GALNT12: variants seen among roughly 807,000 people sequenced by gnomAD.
GALNT12 encodes the protein UDP-GalNAc:polypeptide N-acetylgalactosaminyltransferase 12.
A neutral mutation model predicts 55.5 loss-of-function variants in GALNT12; 45 were observed. The observed-to-expected ratio is 0.81, with a 90% CI of 0.64 to 1.04. The LOEUF (loss-of-function observed/expected upper bound fraction) is 1.04. GALNT12 is among the 50% of genes least tolerant of loss of function. The pLI is 0.00. For missense variants in GALNT12, 709 were observed against 754.8 expected, an observed-to-expected ratio of 0.94 and a Z score of 0.71; for synonymous variants, 304 against 312.2, an observed-to-expected ratio of 0.97 and a Z score of 0.28.
chr9:98,817,453 G>T (rs1381080840), intron 1 of GALNT12, among the ~76,000 whole-genome samples: 3 of 151,816 alleles, frequency 2.0e-5, no homozygotes, highest in African/African-American at 7.3e-5. Context: ...GTTTCTTTTT[G>T]TTTTTTTGTT....
At chr9:98,818,456 C>A (rs2118324161) in intron 1 of GALNT12, among the ~76,000 whole-genome samples, 1 of 152,206 alleles carries the variant, frequency 6.6e-6, no homozygotes, top group South Asian at 2.1e-4. Context: ...AACTCCTGAC[C>A]TCAGGTCATC....
intron 2 of GALNT12, among the ~76,000 whole-genome samples, chr9:98,826,376 T>C (rs1377768332): frequency 1.3e-5 from 2 of 152,214 alleles, no homozygotes; most frequent in Non-Finnish European, 2.9e-5. Flanking sequence ...AAATTGCGAT[T>C]AGATGGTTCA....
Position 98,849,849 on chromosome 9 carries a change from T to C in GALNT12, c.*757T>C. 1 of 335,948 alleles carries C rather than the reference T, an allele frequency of 3.0e-6. No homozygotes were observed. Among genetic ancestry groups the C allele is most frequent in the Non-Finnish European group, 5.3e-6 (1 of 188,340 alleles). The allele number at this position is 335,948 out of a possible 1,614,324, so 20.8% of individuals were successfully genotyped here. Reference sequence around the variant, plus strand: ...AACATGTTTATATCATTTTTAATTTTTATGATACGGTAGTGTCAGGGAGAA... The same window carrying C: ...AACATGTTTATATCATTTTTAATTTCTATGATACGGTAGTGTCAGGGAGAA... On this transcript the variant is annotated 3_prime_UTR_variant, in exon 10 of 10. Coordinates refer to ENST00000375011, the MANE Select transcript of GALNT12 (RefSeq NM_024642.5).
intron 5 of GALNT12, among the ~76,000 whole-genome samples, chr9:98,836,377 G>C (rs1463352174): frequency 3.9e-5 from 6 of 152,112 alleles, no homozygotes; most frequent in Non-Finnish European, 8.8e-5. Flanking sequence ...TTCTACCGAG[G>C]ACTCACGCCC....
At position 98,821,624 on chromosome 9, in the gene GALNT12, C is replaced by CAAAAAAAAAAAAAAAAAAAAAAAA. The variant is rs11467276; in HGVS notation, c.372-1619_372-1618insAAAAAAAAAAAAAAAAAAAAAAAA. ...TGGGCAACAGAGCGAGACTCCATCT[C>CAAAAAAAAAAAAAAAAAAAAAAAA]AAAAAAAAAAAAAGAAAGAAATTTC... On this transcript the variant is annotated intron_variant, in intron 1 of 9. Transcript: ENST00000375011. Among the ~76,000 whole-genome samples the CAAAAAAAAAAAAAAAAAAAAAAAA allele has an allele frequency of 1.8e-4, 20 of 112,038 alleles. 1 individual carries two copies. The highest frequency in any genetic ancestry group is 6.1e-4 in the East Asian group (2 of 3,270). The allele number at this position is 112,038 out of a possible 152,430, so 73.5% of individuals were successfully genotyped here. A position where few individuals can be genotyped will look rare whatever the true frequency, so the allele number is the denominator to read the frequency against.
chr9:98,834,546 C>A (rs1002566395), intron 4 of GALNT12, among the ~76,000 whole-genome samples: 3 of 152,226 alleles, frequency 2.0e-5, no homozygotes, highest in African/African-American at 7.2e-5. Flanking sequence ...CCAGATAAAC[C>A]TGGTGGTGGG....
chr9:98,811,518 C>G (rs948027478), intron 1 of GALNT12, among the ~76,000 whole-genome samples: 1 of 152,146 alleles, frequency 6.6e-6, no homozygotes, highest in African/African-American at 2.4e-5. Context: ...CAGCCATTCT[C>G]TACCAGGGCA....
At position 98,836,856 on chromosome 9, in the gene GALNT12, G is replaced by C. The variant is rs981557875; in HGVS notation, c.1036-116G>C. On this transcript the variant is annotated intron_variant, in intron 5 of 9. Transcript: ENST00000375011. ...TGGCCTCCTGCCCGATGGAGGCTGAGCATCTTGGCAGTGTCCATCATGCCT... is the reference window on the plus strand; with the variant it reads ...TGGCCTCCTGCCCGATGGAGGCTGACCATCTTGGCAGTGTCCATCATGCCT... The C allele has an allele frequency of 4.6e-6, 5 of 1,095,296 alleles. No homozygotes were observed. The Admixed American group carries it at 5.2e-5, about 11-fold the overall frequency. The allele number at this position is 1,095,296 out of a possible 1,614,324, so 67.8% of individuals were successfully genotyped here.
chr9:98,845,117 C>G (rs927882728), intron 8 of GALNT12, among the ~76,000 whole-genome samples: 1 of 152,140 alleles, frequency 6.6e-6, no homozygotes, highest in South Asian at 2.1e-4. Context: ...TTTAGAACAG[C>G]CTTCCTCAAA....
Position 98,808,020 on chromosome 9 carries a change from A to G in GALNT12, c.322A>G (p.Ser108Gly), listed in dbSNP as rs1332042794. Reference protein sequence around the residue: ...VRLHQINIYLSDRISLHRRLP... With the variant: ...VRLHQINIYLGDRISLHRRLP... Reference sequence around the variant, plus strand: ...GCTGCACCAGATTAACATCTACCTCAGCGACCGCATCTCACTGCACCGCCG... The same window carrying G: ...GCTGCACCAGATTAACATCTACCTCGGCGACCGCATCTCACTGCACCGCCG... Residue 108 changes from serine (S) to glycine (G), a missense_variant, in exon 1 of 10, where the codon AGC becomes GGC. Transcript: ENST00000375011. 6.4e-7 allele frequency: 1 copy of G among 1,570,478 alleles called. No homozygotes were observed. Among genetic ancestry groups the G allele is most frequent in the South Asian group, 1.2e-5 (1 of 85,614 alleles).
intron 1 of GALNT12, among the ~76,000 whole-genome samples, chr9:98,820,411 G>A (rs1835709874): frequency 6.6e-6 from 1 of 152,122 alleles, no homozygotes; most frequent in Admixed American, 6.5e-5. Flanking sequence ...CCATGTCCTT[G>A]CAAAGGACAT....
intron 3 of GALNT12, among the ~76,000 whole-genome samples, chr9:98,830,464 C>G (rs1024240079): frequency 2.0e-5 from 3 of 152,202 alleles, no homozygotes; most frequent in Non-Finnish European, 4.4e-5. Context: ...CCTGCACATT[C>G]TCCAGCCACG....
At chr9:98,820,685 C>T (rs767332813) in intron 1 of GALNT12, among the ~76,000 whole-genome samples, 1 of 152,208 alleles carries the variant, frequency 6.6e-6, no homozygotes, top group Non-Finnish European at 1.5e-5. Context: ...CTCTTTTCCA[C>T]AATGATTGAA....
chr9:98,850,001 T>A lies in GALNT12; in HGVS notation c.*909T>A, dbSNP rs1406438682. The A allele has an allele frequency of 4.8e-6, 1 of 206,272 alleles. No homozygotes were observed. Among genetic ancestry groups the A allele is most frequent in the African/African-American group, 2.3e-5 (1 of 43,878 alleles). The allele number at this position is 206,272 out of a possible 1,614,324, so 12.8% of individuals were successfully genotyped here. A position where few individuals can be genotyped will look rare whatever the true frequency, so the allele number is the denominator to read the frequency against. On this transcript the variant is annotated 3_prime_UTR_variant, in exon 10 of 10. Coordinates refer to ENST00000375011, the MANE Select transcript of GALNT12 (RefSeq NM_024642.5). ...AATTTCTCTGAGTAATTCTGATTTG[T>A]GAATGATCCCAGACCAACCCTGAGA...
chr9:98,826,920 G>A lies in GALNT12; in HGVS notation c.710G>A (p.Trp237Ter), dbSNP rs1197184207. ...LDCHCECHEG[W>*]LEPLLQRIHE... Reference sequence around the variant, plus strand: ...TGTCACTGTGAGTGCCACGAAGGGTGGCTGGAGCCGCTGCTGCAGAGGTAC... The same window carrying A: ...TGTCACTGTGAGTGCCACGAAGGGTAGCTGGAGCCGCTGCTGCAGAGGTAC... Residue 237 changes from tryptophan to a stop codon, truncating the protein, a stop_gained, in exon 3 of 10, where the codon TGG becomes TAG. Coordinates refer to ENST00000375011, the MANE Select transcript of GALNT12 (RefSeq NM_024642.5). LOFTEE classifies it high-confidence loss of function. 2.6e-6 allele frequency: 4 copies of A among 1,567,238 alleles called. No homozygotes were observed. Among genetic ancestry groups the A allele is most frequent in the Non-Finnish European group, 3.5e-6 (4 of 1,155,948 alleles).
At chr9:98,827,845 A>G (rs1050624016) in intron 3 of GALNT12, among the ~76,000 whole-genome samples, 4 of 152,184 alleles carry the variant, frequency 2.6e-5, no homozygotes, top group Admixed American at 6.5e-5. Flanking sequence ...GAAAGTCATA[A>G]TGTAACCCTG....
chr9:98,845,845 G>A (rs903774704), intron 8 of GALNT12, 132 bp from the exon 9 acceptor site: 21 of 882,996 alleles, frequency 2.4e-5, no homozygotes, highest in Non-Finnish European at 3.7e-5. Flanking sequence ...CATCACACAG[G>A]CTCGTGTTGG....
chr9:98,827,085 C>T, intron 3 of GALNT12, 144 bp downstream of exon 3: 1 of 863,940 alleles, frequency 1.2e-6, no homozygotes, highest in East Asian at 2.7e-5. Flanking sequence ...GCAGTCCCTG[C>T]TTAGTTCGGC....
intron 4 of GALNT12, 114 bp downstream of exon 4, chr9:98,832,071 C>T: frequency 1.2e-6 from 1 of 853,156 alleles, no homozygotes; most frequent in East Asian, 2.6e-5. Flanking sequence ...AACTACCTCC[C>T]CTCTTCCCAC....
Sources: gnomAD v4.1 joint callset for allele counts (sites outside exome capture counted in the v4.1 genomes callset) on GRCh38, gnomAD v4.1.1 for gene constraint, MANE v1.5 for transcripts, NCBI Gene and HGNC (gene_info 2026-07-23, HGNC 2026-07-21) for gene names.